Variants in MTUS2 observed in about 807,000 individuals in gnomAD.
The protein encoded by MTUS2 is microtubule-associated tumor suppressor candidate 2.
Under a neutral mutation model 114.1 loss-of-function variants are expected in MTUS2, and 40 were observed. The observed-to-expected ratio is 0.35, with a 90% CI of 0.27 to 0.46. The LOEUF is 0.46. Ranked by LOEUF, MTUS2 falls within the 20% of genes least tolerant of loss-of-function variation. MTUS2 has a pLI of 1.00. For synonymous variants in MTUS2, 688 were observed against 672.0 expected (o/e 1.02, Z -0.37); for missense variants, 1,679 against 1,705.4 (o/e 0.98, Z 0.27).
At chr13:28,964,866 C>G (rs568215440) in intron 2 of MTUS2, among the ~76,000 whole-genome samples, 4 of 151,420 alleles carry the variant, frequency 2.6e-5, no homozygotes, top group Admixed American at 6.6e-5. Flanking sequence ...TCTGCGTTCC[C>G]GAGCTCAACT....
chr13:28,828,759 AAATC>A (rs1397457465), intron 1 of MTUS2, among the ~76,000 whole-genome samples: 1 of 152,286 alleles, frequency 6.6e-6, no homozygotes, highest in East Asian at 1.9e-4. Context: ...GCATTTTAGA[AAATC>A]AAGATTAATG....
chr13:29,324,645 A>G lies in MTUS2; in HGVS notation c.2839A>G (p.Thr947Ala). The G allele has an allele frequency of 6.3e-7, 1 of 1,594,720 alleles. No individual in the cohort carries two copies. Among genetic ancestry groups the G allele is most frequent in the Non-Finnish European group, 8.5e-7 (1 of 1,170,120 alleles). The change falls in exon 7 of 16, where the codon ACG becomes GCG. Residue 947 changes from threonine (T) to alanine (A), a missense_variant. Physicochemically the swap from Thr to Ala is moderately conservative, Grantham distance 58. Transcript: ENST00000612955. ...TKKDAQKDQD[T>A]NKPAVSSPKR... ...GAAAGATGCTCAGAAAGATCAAGAT[A>G]CGAATAAACCTGCTGTTTCATCTCC... is the stretch of plus-strand genomic sequence containing the variant.
intron 5 of MTUS2, among the ~76,000 whole-genome samples, chr13:29,278,312 A>G (rs1448718164): frequency 2.0e-5 from 3 of 152,230 alleles, no homozygotes; most frequent in Admixed American, 6.5e-5. Context: ...AAAGTTCTCA[A>G]TAAAGGCACC....
In MTUS2 at chr13:29,254,021, A is replaced by G. The variant is rs906672724; in HGVS notation, c.2645-27683A>G. ...ATTTGGGAGGGGACACAGCTAAACC[A>G]TATCAAAGACTAAGTAAATAAGTAA... On this transcript the variant is annotated intron_variant, in intron 5 of 15. Coordinates refer to ENST00000612955, the MANE Select transcript of MTUS2 (RefSeq NM_001033602.4). Among the ~76,000 whole-genome samples, 8 of 152,296 alleles carry G rather than the reference A, an allele frequency of 5.3e-5. No homozygotes were observed. In the South Asian group the frequency reaches 1.7e-3, roughly 32 times the overall value.
At chr13:28,898,717 TAAA>T (rs1252435361) in intron 2 of MTUS2, among the ~76,000 whole-genome samples, 1 of 152,178 alleles carries the variant, frequency 6.6e-6, no homozygotes, top group Non-Finnish European at 1.5e-5. Context: ...TTACTGCAAA[TAAA>T]AAAGCAAAAT....
chr13:29,012,141 C>T (rs570430168), intron 2 of MTUS2, among the ~76,000 whole-genome samples: 7 of 152,148 alleles, frequency 4.6e-5, no homozygotes, highest in Non-Finnish European at 8.8e-5. Flanking sequence ...CCATCCATTC[C>T]GTGAGTCTAA....
chr13:29,277,358 A>C (rs1670989456), intron 5 of MTUS2, among the ~76,000 whole-genome samples: 1 of 152,228 alleles, frequency 6.6e-6, no homozygotes, highest in Admixed American at 6.5e-5. Context: ...AATTGTGTCC[A>C]TTGAAAATGT....
chr13:28,971,543 T>C (rs550438108), intron 2 of MTUS2, among the ~76,000 whole-genome samples: 2 of 152,342 alleles, frequency 1.3e-5, no homozygotes, highest in East Asian at 1.9e-4. Flanking sequence ...GTAAGAGCTA[T>C]ATAAAAATGG....
chr13:29,068,505 GAT>G (rs766150129), intron 4 of MTUS2, among the ~76,000 whole-genome samples: 17 of 151,866 alleles, frequency 1.1e-4, no homozygotes, highest in Non-Finnish European at 2.2e-4. Context: ...CTGTGCATCA[GAT>G]ATCCTCAGGC....
At chr13:29,159,341 A>AT (rs1263684371) in intron 5 of MTUS2, among the ~76,000 whole-genome samples, 1 of 152,198 alleles carries the variant, frequency 6.6e-6, no homozygotes, top group African/African-American at 2.4e-5. Flanking sequence ...TGTGTATACT[A>AT]TATATACACA....
chr13:29,262,376 T>C (rs1486982427), intron 5 of MTUS2, among the ~76,000 whole-genome samples: 1 of 152,120 alleles, frequency 6.6e-6, no homozygotes, highest in African/African-American at 2.4e-5. Flanking sequence ...AGTCTCATTT[T>C]ACCAGTTCAT....
At chr13:29,465,547 T>G (rs1054770721) in intron 9 of MTUS2, among the ~76,000 whole-genome samples, 1 of 152,174 alleles carries the variant, frequency 6.6e-6, no homozygotes, top group Non-Finnish European at 1.5e-5. Context: ...CACACTAGTA[T>G]TTCCACCCCA....
At chr13:28,911,506 T>G (rs1175923501) in intron 2 of MTUS2, among the ~76,000 whole-genome samples, 1 of 152,138 alleles carries the variant, frequency 6.6e-6, no homozygotes, top group African/African-American at 2.4e-5. Context: ...TATTTTCCTT[T>G]GCGTATATAC....
intron 2 of MTUS2, among the ~76,000 whole-genome samples, chr13:28,875,735 A>G (rs149584947): frequency 9.5e-4 from 144 of 152,340 alleles, no homozygotes; most frequent in African/African-American, 3.3e-3. Context: ...ATAAAATTAT[A>G]TCTTTAAATA....
intron 2 of MTUS2, among the ~76,000 whole-genome samples, chr13:28,971,887 C>G (rs969419151): frequency 5.3e-5 from 8 of 152,204 alleles, no homozygotes; most frequent in African/African-American, 1.9e-4. Context: ...CATGCCAAAG[C>G]TTGCCTTGTA....
chr13:29,179,873 A>C (rs1893926274), intron 5 of MTUS2, among the ~76,000 whole-genome samples: 1 of 152,172 alleles, frequency 6.6e-6, no homozygotes, highest in Admixed American at 6.5e-5. Context: ...TTAGAGGAGA[A>C]ATTTTAAGGA....
chr13:28,957,680 T>G (rs1473287004), intron 2 of MTUS2, among the ~76,000 whole-genome samples: 1 of 143,482 alleles, frequency 7.0e-6, no homozygotes, highest in Non-Finnish European at 1.6e-5. Context: ...GATTTTTGTA[T>G]CTGGAGGGGG....
chr13:29,279,331 C>G, intron 5 of MTUS2, among the ~76,000 whole-genome samples: 1 of 152,146 alleles, frequency 6.6e-6, no homozygotes, highest in East Asian at 1.9e-4. Flanking sequence ...GTTGTTCAGG[C>G]TGGAGTCGGT....
intron 9 of MTUS2, among the ~76,000 whole-genome samples, chr13:29,471,354 TAATAA>T (rs1220189643): frequency 4.0e-5 from 6 of 151,798 alleles, no homozygotes; most frequent in East Asian, 1.9e-4. Flanking sequence ...ATAATAATAA[TAATAA>T]AATAAAATGA....
Sources: allele counts gnomAD v4.1 joint callset (sites outside exome capture counted in the v4.1 genomes callset), GRCh38; gene constraint gnomAD v4.1.1; transcripts MANE v1.5; gene names NCBI Gene and HGNC (gene_info 2026-07-23, HGNC 2026-07-21).